SEZ6: variants seen among roughly 807,000 people sequenced by gnomAD.
SEZ6 encodes the protein seizure related 6 homolog, also known as seizure protein 6 homolog.
A neutral mutation model predicts 101.0 loss-of-function variants in SEZ6; 53 were observed. The observed-to-expected ratio is 0.52, with a 90% confidence interval of 0.42 to 0.66. SEZ6 has a LOEUF of 0.66. SEZ6 is among the 30% of genes least tolerant of loss of function. The pLI, the probability that SEZ6 is intolerant of heterozygous loss-of-function variation, is 0.00. For synonymous variants in SEZ6, 488 were observed against 512.2 expected, an observed-to-expected ratio of 0.95 and a Z score of 0.64; for missense variants, 1,102 against 1,289.4, an observed-to-expected ratio of 0.85 and a Z score of 2.23.
At chr17:28,956,532 C>T in intron 14 of SEZ6, 65 bp from the exon 15 acceptor site, 2 of 1,516,998 alleles carry the variant, frequency 1.3e-6, no homozygotes, top group Non-Finnish European at 1.8e-6. Flanking sequence ...ATTCTCTCAC[C>T]TCTGCCCAAG....
chr17:29,006,014 C>G lies in SEZ6; in HGVS notation c.-145G>C. 1.6e-6 allele frequency: 1 copy of G among 629,072 alleles called. No individual in the cohort carries two copies. The highest frequency in any genetic ancestry group is 2.2e-6 in the Non-Finnish European group (1 of 448,256). The allele number at this position is 629,072 out of a possible 1,614,324, so 39.0% of individuals were successfully genotyped here. A position where few individuals can be genotyped will look rare whatever the true frequency, so the allele number is the denominator to read the frequency against. On this transcript the variant is annotated 5_prime_UTR_variant, in exon 1 of 17. Coordinates refer to ENST00000317338, the MANE Select transcript of SEZ6 (RefSeq NM_178860.5). ...GTCACCGCCGCTGCCGCCGCCAGCG[C>G]CTGACAGAATCAGCACCACGGCCAG... is the stretch of plus-strand genomic sequence containing the variant.
At chr17:28,982,255 C>T (rs886431236) in intron 1 of SEZ6, among the ~76,000 whole-genome samples, 4 of 152,184 alleles carry the variant, frequency 2.6e-5, no homozygotes, top group African/African-American at 9.7e-5. Context: ...TCTCCTCCAG[C>T]ACCAGAGGCA....
intron 1 of SEZ6, among the ~76,000 whole-genome samples, chr17:28,989,888 AT>A (rs1420125104): frequency 1.3e-5 from 2 of 152,174 alleles, no homozygotes; most frequent in Non-Finnish European, 2.9e-5. Flanking sequence ...GTGAAACAAC[AT>A]GGTGAAACCC....
rs979232426 is a variant in SEZ6 at position 28,955,805 on chromosome 17, C to A, written c.*157G>T. On this transcript the variant is annotated 3_prime_UTR_variant, in exon 17 of 17. Coordinates refer to ENST00000317338, the MANE Select transcript of SEZ6 (RefSeq NM_178860.5). ...AATAGGCCATGGTGGGCATCGCAGG[C>A]GGGGAAGGGCACAACTTCTTGAGGG... The A allele has an allele frequency of 1.2e-6, 1 of 863,832 alleles. No individual in the cohort carries two copies. Among genetic ancestry groups the A allele is most frequent in the Non-Finnish European group, 1.9e-6 (1 of 524,282 alleles). 53.5% of individuals were successfully genotyped at this position (863,832 alleles called of 1,614,324 possible).
chr17:28,957,610 G>A, intron 11 of SEZ6, 71 bp from the exon 12 acceptor site: 1 of 1,497,114 alleles, frequency 6.7e-7, no homozygotes, highest in Non-Finnish European at 9.0e-7. Flanking sequence ...CCCTGGCTTT[G>A]TTCCAGGCCA....
In SEZ6 at chr17:28,981,909, G is replaced by A; in HGVS notation, c.186C>T (p.Pro62=). The A allele has an allele frequency of 6.2e-7, 1 of 1,613,906 alleles. No homozygotes were observed. The highest frequency in any genetic ancestry group is 1.3e-5 in the African/African-American group (1 of 75,024). The change falls in exon 2 of 17, where the codon CCC becomes CCT. Residue 62 remains proline, a synonymous_variant. Coordinates refer to ENST00000317338, the MANE Select transcript of SEZ6 (RefSeq NM_178860.5). ...GGTGGTGGTTGAGCAGCTTCAAGGT[G>A]GGGGCTGTTGTGACAAAGTGGACGC... ...ERGVHFVTTA[P]TLKLLNHHPL...
chr17:28,998,303 T>C (rs2041569536), intron 1 of SEZ6, among the ~76,000 whole-genome samples: 1 of 151,326 alleles, frequency 6.6e-6, no homozygotes, highest in East Asian at 1.9e-4. Flanking sequence ...TCATGACCAG[T>C]TAGAGGGAGG....
intron 1 of SEZ6, among the ~76,000 whole-genome samples, chr17:28,997,076 C>T (rs1442966353): frequency 6.6e-6 from 1 of 152,066 alleles, no homozygotes; most frequent in African/African-American, 2.4e-5. Flanking sequence ...TCTTTCTATC[C>T]TGGCTGGCAG....
In SEZ6 at chr17:28,956,369, C is replaced by T. The variant is rs2040878506; in HGVS notation, c.2830G>A (p.Val944Ile). 1.9e-6 allele frequency: 3 copies of T among 1,572,452 alleles called. No homozygotes were observed. Among genetic ancestry groups the T allele is most frequent in the Non-Finnish European group, 8.6e-7 (1 of 1,158,798 alleles). ...LVAMVLLVGG[V>I]YFYFSRLQGK... ...ACTCACCTGGAGAAGTAGAAGTATACACCTCCTACCAACAACACCATCGCC... is the reference window on the plus strand; with the variant it reads ...ACTCACCTGGAGAAGTAGAAGTATATACCTCCTACCAACAACACCATCGCC... Residue 944 changes from valine (V) to isoleucine (I), a missense_variant, in exon 15 of 17, where the codon GTA becomes ATA. Transcript: ENST00000317338.
At chr17:28,956,895 G>A in intron 13 of SEZ6, 138 bp from the exon 14 acceptor site, 3 of 1,353,394 alleles carry the variant, frequency 2.2e-6, no homozygotes, top group Non-Finnish European at 3.1e-6. Context: ...TCTTGGTGAT[G>A]CCAGGTCAGA....
In SEZ6 at chr17:28,963,916, C is replaced by G. The variant is rs375658332; in HGVS notation, c.1240+46G>C. The G allele has an allele frequency of 3.8e-6, 6 of 1,567,048 alleles. No homozygotes were observed. In the Admixed American group the frequency reaches 1.1e-4, roughly 29 times the overall value. On this transcript the variant is annotated intron_variant, in intron 5 of 16. Transcript: ENST00000317338. ...AACAGAGAGCAGGGATGAGCCCCCA[C>G]CTCACTTCTCTGCTCAGCACTGAGC...
chr17:28,999,159 A>AG (rs2041581906), intron 1 of SEZ6, among the ~76,000 whole-genome samples: 1 of 152,166 alleles, frequency 6.6e-6, no homozygotes, highest in Non-Finnish European at 1.5e-5. Context: ...TGGGAAACAG[A>AG]GAGAGCCATC....
intron 3 of SEZ6, among the ~76,000 whole-genome samples, chr17:28,973,434 T>C (rs1294690578): frequency 6.6e-6 from 1 of 152,160 alleles, no homozygotes; most frequent in Non-Finnish European, 1.5e-5. Context: ...CTCCTAGCAG[T>C]CTGTAAAGCT....
chr17:28,963,773 G>A (rs1320118985), intron 5 of SEZ6, among the ~76,000 whole-genome samples, 189 bp downstream of exon 5: 1 of 152,210 alleles, frequency 6.6e-6, no homozygotes, highest in African/African-American at 2.4e-5. Context: ...TCAGCTGTTT[G>A]TACCTGTGGT....
At chr17:28,969,432 C>T (rs1049781364) in intron 4 of SEZ6, among the ~76,000 whole-genome samples, 2 of 152,106 alleles carry the variant, frequency 1.3e-5, no homozygotes, top group Non-Finnish European at 2.9e-5. Flanking sequence ...TGCCAGTGTC[C>T]AGCACAAGCC....
At position 28,969,798 on chromosome 17, in the gene SEZ6, G is replaced by A; in HGVS notation, c.1013C>T (p.Pro338Leu). 2 of 1,509,776 alleles carry A rather than the reference G, an allele frequency of 1.3e-6. No individual in the cohort carries two copies. Among genetic ancestry groups the A allele is most frequent in the Non-Finnish European group, 8.8e-7 (1 of 1,139,202 alleles). The allele number at this position is 1,509,776 out of a possible 1,614,324, so 93.5% of individuals were successfully genotyped here. Reference sequence around the variant, plus strand: ...GAAGGTGCCAGGGCCAGCCGGTGGCGGGAGGCTCTGGAACCTCAGGGCCGC... The same window carrying A: ...GAAGGTGCCAGGGCCAGCCGGTGGCAGGAGGCTCTGGAACCTCAGGGCCGC... Reference protein sequence around the residue: ...HQAALRFQSLPPPAGPGTFHF... With the variant: ...HQAALRFQSLLPPAGPGTFHF... The change falls in exon 4 of 17, where the codon CCG becomes CTG. Residue 338 changes from proline (P) to leucine (L), a missense_variant. Physicochemically the swap from Pro to Leu is moderately conservative, Grantham distance 98. This residue lies in a region of SEZ6 where 556 missense variants were observed against 735.1 expected (regional missense o/e 0.76). Transcript: ENST00000317338.
intron 3 of SEZ6, among the ~76,000 whole-genome samples, chr17:28,974,773 A>AT (rs2041200111): frequency 6.6e-6 from 1 of 152,194 alleles, no homozygotes; most frequent in Non-Finnish European, 1.5e-5. Context: ...GGCAGGGCTG[A>AT]CTGGGAAAGG....
chr17:29,005,939 C>G lies in SEZ6; in HGVS notation c.-70G>C. On this transcript the variant is annotated 5_prime_UTR_variant, in exon 1 of 17. Transcript: ENST00000317338. The surrounding 1 kb of genome is among the most constrained non-coding windows in gnomAD (Gnocchi z 4.8). ...GGCGGGGGGCTTGGTGGGGCTTGGG[C>G]GCGGGGGCAGAGCCGGGTCCGGCCG... 7.7e-7 allele frequency: 1 copy of G among 1,303,866 alleles called. No individual in the cohort carries two copies. Among genetic ancestry groups the G allele is most frequent in the African/African-American group, 1.5e-5 (1 of 64,568 alleles). 80.8% of individuals were successfully genotyped at this position (1,303,866 alleles called of 1,614,324 possible). A position where few individuals can be genotyped will look rare whatever the true frequency, so the allele number is the denominator to read the frequency against.
chr17:28,990,259 A>G (rs193216339), intron 1 of SEZ6, among the ~76,000 whole-genome samples: 209 of 152,184 alleles, frequency 1.4e-3, no homozygotes, highest in African/African-American at 4.7e-3. Context: ...GCTTTTTGAG[A>G]TGTCTTTTCG....
Sources: gnomAD v4.1 joint callset for allele counts (sites outside exome capture counted in the v4.1 genomes callset) on GRCh38, gnomAD v4.1.1 for gene constraint, gnomAD v4.1.1 regional missense constraint, Gnocchi (gnomAD v3.1) non-coding constraint, MANE v1.5 for transcripts, NCBI Gene and HGNC (gene_info 2026-07-23, HGNC 2026-07-21) for gene names.